Variants in RRP1B observed in about 807,000 individuals in gnomAD.
RRP1B encodes the protein ribosomal RNA processing protein 1 homolog B.
Under a neutral mutation model 80.2 loss-of-function variants are expected in RRP1B, and 56 were observed. The observed-to-expected ratio is 0.70, with a 90% CI of 0.56 to 0.87. The LOEUF is 0.87. Among genes scored for constraint, RRP1B ranks in the 40% least tolerant of loss-of-function variants. The pLI is 0.00. For synonymous variants in RRP1B, 351 were observed against 357.6 expected (o/e 0.98, Z 0.21); for missense variants, 807 against 939.8 (o/e 0.86, Z 1.85).
At chr21:43,663,491 A>G (rs2082966303) in intron 1 of RRP1B, among the ~76,000 whole-genome samples, 1 of 152,058 alleles carries the variant, frequency 6.6e-6, no homozygotes, top group Non-Finnish European at 1.5e-5. Flanking sequence ...TCCTGACCTC[A>G]TGATCCGCCC....
chr21:43,679,243 G>A (rs1276557125), intron 8 of RRP1B, among the ~76,000 whole-genome samples: 3 of 143,020 alleles, frequency 2.1e-5, no homozygotes, highest in African/African-American at 5.9e-5. Context: ...TTTTTTTTTG[G>A]TGTTTTGGTG....
In RRP1B at chr21:43,695,908, G is replaced by A. The variant is rs951630500; in HGVS notation, c.*2525G>A. On this transcript the variant is annotated 3_prime_UTR_variant, in exon 16 of 16. Coordinates refer to ENST00000340648, the MANE Select transcript of RRP1B (RefSeq NM_015056.3). The stretch of plus-strand genomic sequence containing the variant: ...AAATCTGGAAACAGTTGCAGGTGTT[G>A]GGAGGAAGATGAAATCGAGCTGTCT... 49 of 152,212 alleles carry A rather than the reference G, an allele frequency of 3.2e-4. No homozygotes were observed. Among genetic ancestry groups the A allele is most frequent in the African/African-American group, 1.0e-3 (43 of 41,448 alleles). The allele number at this position is 152,212 out of a possible 1,614,324, so 9.4% of individuals were successfully genotyped here. A position where few individuals can be genotyped will look rare whatever the true frequency, so the allele number is the denominator to read the frequency against.
intron 1 of RRP1B, among the ~76,000 whole-genome samples, chr21:43,666,127 G>A (rs994837199): frequency 1.3e-5 from 2 of 152,220 alleles, no homozygotes; most frequent in Non-Finnish European, 2.9e-5. Context: ...GAGAGGCGGC[G>A]GCTTCTGCCA....
Position 43,694,515 on chromosome 21 carries a change from G to C in RRP1B, c.*1132G>C, listed in dbSNP as rs2083099775. On this transcript the variant is annotated 3_prime_UTR_variant, in exon 16 of 16. Coordinates refer to ENST00000340648, the MANE Select transcript of RRP1B (RefSeq NM_015056.3). ...GCTGGAGAAGGTGCAGATTCAAAGT[G>C]AGCGGCTCCTGAGGAGAGCCGCCAA... 1 of 152,310 alleles carries C rather than the reference G, an allele frequency of 6.6e-6. No individual in the cohort carries two copies. Among genetic ancestry groups the C allele is most frequent in the Admixed American group, 6.5e-5 (1 of 15,290 alleles). 9.4% of individuals were successfully genotyped at this position (152,310 alleles called of 1,614,324 possible). A position where few individuals can be genotyped will look rare whatever the true frequency, so the allele number is the denominator to read the frequency against.
Position 43,695,536 on chromosome 21 carries a change from G to C in RRP1B, c.*2153G>C, listed in dbSNP as rs932213491. ...TATGGGTAAGTCAACTAGGTTTACA[G>C]TCCCTTATTTTTAATGCCTAAGTTT... is the stretch of plus-strand genomic sequence containing the variant. On this transcript the variant is annotated 3_prime_UTR_variant, in exon 16 of 16. Transcript: ENST00000340648. 1 of 152,164 alleles carries C rather than the reference G, an allele frequency of 6.6e-6. No homozygotes were observed. Among genetic ancestry groups the C allele is most frequent in the Non-Finnish European group, 1.5e-5 (1 of 68,036 alleles). 9.4% of individuals were successfully genotyped at this position (152,164 alleles called of 1,614,324 possible). A position where few individuals can be genotyped will look rare whatever the true frequency, so the allele number is the denominator to read the frequency against.
chr21:43,681,417 G>A lies in RRP1B; in HGVS notation c.797-1862G>A, dbSNP rs577555857. On this transcript the variant is annotated intron_variant, in intron 8 of 15. Transcript: ENST00000340648. ...GTCGCCCAGGCTGGAGTGCAATGGC[G>A]CAATCTCAGCTCACTGCAACCTCTG... Among the ~76,000 whole-genome samples the A allele has an allele frequency of 4.7e-5, 7 of 150,368 alleles. No individual in the cohort carries two copies. In the East Asian group the frequency reaches 7.9e-4, roughly 17 times the overall value.
chr21:43,674,943 T>C (rs1030749910), intron 5 of RRP1B, 91 bp from the exon 6 acceptor site: 1 of 1,501,776 alleles, frequency 6.7e-7, no homozygotes, highest in African/African-American at 1.4e-5. Flanking sequence ...TTAGGCTGTG[T>C]AGGTTCTAGA....
At position 43,659,563 on chromosome 21, in the gene RRP1B, T is replaced by C; in HGVS notation, c.-102T>C. ...CGCGCGCCGCCGCCGCCGCCTTCTG[T>C]GCAGTCGCGGCCCGGGCGGACGGTG... On this transcript the variant is annotated 5_prime_UTR_variant, in exon 1 of 16. Coordinates refer to ENST00000340648, the MANE Select transcript of RRP1B (RefSeq NM_015056.3). The surrounding 1 kb of genome is among the most constrained non-coding windows in gnomAD (Gnocchi z 4.2). 8.3e-6 allele frequency: 10 copies of C among 1,200,074 alleles called. No homozygotes were observed. In the South Asian group the frequency reaches 3.2e-4, roughly 38 times the overall value. The allele number at this position is 1,200,074 out of a possible 1,614,324, so 74.3% of individuals were successfully genotyped here. A position where few individuals can be genotyped will look rare whatever the true frequency, so the allele number is the denominator to read the frequency against.
chr21:43,677,876 A>G (rs75859448), intron 8 of RRP1B, among the ~76,000 whole-genome samples: 6 of 152,158 alleles, frequency 3.9e-5, no homozygotes, highest in African/African-American at 1.4e-4. Context: ...CACGGTGTAT[A>G]TTCCGCATTT....
intron 3 of RRP1B, among the ~76,000 whole-genome samples, chr21:43,673,663 T>C (rs1407401801): frequency 6.7e-6 from 1 of 148,640 alleles, no homozygotes; most frequent in Non-Finnish European, 1.5e-5. Flanking sequence ...AAGTAAAAGA[T>C]CTGCACAGTC....
intron 13 of RRP1B, among the ~76,000 whole-genome samples, chr21:43,689,316 C>T (rs1168519245): frequency 2.6e-5 from 4 of 152,244 alleles, no homozygotes; most frequent in Non-Finnish European, 4.4e-5. Flanking sequence ...CACCGCTTTG[C>T]GGAGATTATG....
intron 1 of RRP1B, among the ~76,000 whole-genome samples, chr21:43,667,750 C>T (rs1378012465): frequency 6.6e-6 from 1 of 152,202 alleles, no homozygotes; most frequent in East Asian, 1.9e-4. Flanking sequence ...ACCATACTTA[C>T]ATTATCCACG....
In RRP1B at chr21:43,676,801, C is replaced by T; in HGVS notation, c.683C>T (p.Pro228Leu). 6.2e-7 allele frequency: 1 copy of T among 1,614,208 alleles called. No homozygotes were observed. Among genetic ancestry groups the T allele is most frequent in the Non-Finnish European group, 8.5e-7 (1 of 1,180,038 alleles). ...ATCGTAGATCAGTCTCCTTTTGTGC[C>T]TGAAGAGACGATGGAGGAACAGAAG... ...EAIVDQSPFV[P>L]EETMEEQKTK... is the part of the protein sequence containing the mutation. The change falls in exon 8 of 16, where the codon CCT (proline) becomes CTT (leucine). Residue 228 changes from proline (P) to leucine (L), a missense_variant. Transcript: ENST00000340648.
In RRP1B at chr21:43,687,699, G is replaced by A. The variant is rs774453629; in HGVS notation, c.1325G>A (p.Arg442His). Residue 442 changes from arginine to histidine, a missense_variant, in exon 13 of 16, where the codon CGT becomes CAT. Arg to His is a conservative substitution (Grantham distance 29). Coordinates refer to ENST00000340648, the MANE Select transcript of RRP1B (RefSeq NM_015056.3). ...TCTGGGCTGAAAGCCCTGAAGGCACGTGTGGCCGAGCCAGGTGCAGAGGCC... is the reference window on the plus strand; with the variant it reads ...TCTGGGCTGAAAGCCCTGAAGGCACATGTGGCCGAGCCAGGTGCAGAGGCC... Reference protein sequence around the residue: ...EASGLKALKARVAEPGAEATS... With the variant: ...EASGLKALKAHVAEPGAEATS... 4.5e-5 allele frequency: 72 copies of A among 1,610,466 alleles called. No homozygotes were observed. The highest frequency in any genetic ancestry group is 1.7e-4 in the Middle Eastern group (1 of 6,040).
At chr21:43,684,440 C>T in intron 9 of RRP1B, 113 bp from the exon 10 acceptor site, 1 of 875,014 alleles carries the variant, frequency 1.1e-6, no homozygotes, top group South Asian at 1.5e-5. Context: ...CTTGTTTAGC[C>T]TATCTGTTGC....
In RRP1B at chr21:43,693,121, C is replaced by A. The variant is rs2083093678; in HGVS notation, c.2084-69C>A. On this transcript the variant is annotated intron_variant, in intron 15 of 15. Coordinates refer to ENST00000340648, the MANE Select transcript of RRP1B (RefSeq NM_015056.3). This position sits in a 1 kb window ranked among gnomAD's most constrained non-coding sequence, Gnocchi z 4.1. Reference sequence around the variant, plus strand: ...GTGGGGTCGGCACCCAGGCAGGACGCTGTCTAAGGTGTTGAAGGGACAGCT... The same window carrying A: ...GTGGGGTCGGCACCCAGGCAGGACGATGTCTAAGGTGTTGAAGGGACAGCT... 1 of 1,538,608 alleles carries A rather than the reference C, an allele frequency of 6.5e-7. No homozygotes were observed. Among genetic ancestry groups the A allele is most frequent in the Admixed American group, 1.8e-5 (1 of 54,904 alleles).
chr21:43,692,868 A>C (rs1197059716), intron 15 of RRP1B, among the ~76,000 whole-genome samples: 1 of 152,126 alleles, frequency 6.6e-6, no homozygotes, highest in Admixed American at 6.5e-5. Context: ...CCCAGACACA[A>C]ATGCCTGGTT....
In RRP1B at chr21:43,686,865, C is replaced by T; in HGVS notation, c.1071C>T (p.Ile357=). 1 of 1,613,886 alleles carries T rather than the reference C, an allele frequency of 6.2e-7. No individual in the cohort carries two copies. The highest frequency in any genetic ancestry group is 1.1e-5 in the South Asian group (1 of 91,064). ...TTTCTGCTGATGAAGATGACCAAAT[C>T]CTCAGTCAAGGAAAGCATAAGAAGA... ...EDISADEDDQ[I]LSQGKHKKKG... is the part of the protein sequence containing the mutation. The change falls in exon 12 of 16, where the codon ATC becomes ATT. Residue 357 remains isoleucine (I), a synonymous_variant. Coordinates refer to ENST00000340648, the MANE Select transcript of RRP1B (RefSeq NM_015056.3).
chr21:43,684,196 C>T (rs937378987), intron 9 of RRP1B, among the ~76,000 whole-genome samples: 1 of 151,112 alleles, frequency 6.6e-6, no homozygotes, highest in African/African-American at 2.4e-5. Flanking sequence ...CTCAGCCTCC[C>T]GAGTAGCTGG....
Sources: allele counts gnomAD v4.1 joint callset (sites outside exome capture counted in the v4.1 genomes callset), GRCh38; gene constraint gnomAD v4.1.1; non-coding constraint Gnocchi (gnomAD v3.1); transcripts MANE v1.5; gene names NCBI Gene and HGNC (gene_info 2026-07-23, HGNC 2026-07-21).